NLRC5: variants seen among roughly 807,000 people sequenced by gnomAD.
The protein encoded by NLRC5 is NLR family CARD domain containing 5.
In NLRC5, 114 loss-of-function variants were observed where a neutral mutation model predicts 206.9. The observed-to-expected ratio is 0.55, with a 90% CI of 0.47 to 0.64. The LOEUF is 0.64. Ranked by LOEUF, NLRC5 falls within the 30% of genes least tolerant of loss-of-function variation. NLRC5 has a pLI of 0.00. For missense variants in NLRC5, 2,008 were observed against 2,305.5 expected (o/e 0.87, Z 2.64); for synonymous variants, 952 against 962.8 (o/e 0.99, Z 0.21).
At chr16:57,072,858 C>A (rs1158828886) in intron 38 of NLRC5, among the ~76,000 whole-genome samples, 1 of 152,068 alleles carries the variant, frequency 6.6e-6, no homozygotes, top group Non-Finnish European at 1.5e-5. Context: ...TTGAAAGTAG[C>A]CTTTTGACTT....
At chr16:57,000,780 G>T (rs1282395406) in intron 1 of NLRC5, among the ~76,000 whole-genome samples, 1 of 152,122 alleles carries the variant, frequency 6.6e-6, no homozygotes, top group African/African-American at 2.4e-5. Context: ...TCTCTTGCTT[G>T]CCCTGCCAGC....
intron 2 of NLRC5, 84 bp from the exon 3 acceptor site, chr16:57,020,617 C>T: frequency 3.8e-6 from 1 of 261,778 alleles, no homozygotes; most frequent in Non-Finnish European, 6.0e-6. Context: ...CAGCTCAACT[C>T]CCCCCAAGTT....
chr16:56,994,360 G>C (rs2057339810), intron 1 of NLRC5, among the ~76,000 whole-genome samples: 1 of 152,226 alleles, frequency 6.6e-6, no homozygotes, highest in Admixed American at 6.5e-5. Flanking sequence ...CAGCACTGCA[G>C]ACACCGGCTC....
At chr16:56,999,161 C>T (rs528755935) in intron 1 of NLRC5, among the ~76,000 whole-genome samples, 3 of 152,216 alleles carry the variant, frequency 2.0e-5, no homozygotes, top group Admixed American at 6.5e-5. Context: ...CCATTCACTA[C>T]GGCTCCTCCC....
At chr16:57,003,991 T>C (rs289707) in intron 1 of NLRC5, 107,910 of 152,094 alleles carry the variant, frequency 0.71, 39,152 homozygotes, top group Non-Finnish European at 0.8. Flanking sequence ...TGAGAGAAGC[T>C]GACGGGCCTA....
chr16:57,056,301 T>A (rs1269493241), intron 27 of NLRC5, among the ~76,000 whole-genome samples: 1 of 152,220 alleles, frequency 6.6e-6, no homozygotes, highest in African/African-American at 2.4e-5. Flanking sequence ...GATTTCTTTT[T>A]TTTTTAAGAC....
intron 27 of NLRC5, among the ~76,000 whole-genome samples, chr16:57,057,362 C>G (rs140606851): frequency 1.3e-5 from 2 of 152,170 alleles, no homozygotes; most frequent in Admixed American, 6.5e-5. Flanking sequence ...AGACAGAGGT[C>G]GCAGTGAGCC....
intron 20 of NLRC5, among the ~76,000 whole-genome samples, chr16:57,044,485 C>G (rs1299924263): frequency 1.3e-5 from 2 of 152,078 alleles, no homozygotes; most frequent in East Asian, 1.9e-4. Flanking sequence ...CTTCCCTTTC[C>G]CTTCCCTAAG....
intron 39 of NLRC5, among the ~76,000 whole-genome samples, chr16:57,075,384 T>C (rs369976507): frequency 4.1e-4 from 63 of 152,308 alleles, no homozygotes; most frequent in African/African-American, 1.4e-3. Flanking sequence ...CACGCCCGGC[T>C]AATTTTTGTA....
intron 2 of NLRC5, among the ~76,000 whole-genome samples, chr16:57,019,383 C>T (rs928818396): frequency 2.7e-5 from 4 of 150,830 alleles, no homozygotes; most frequent in Admixed American, 6.6e-5. Flanking sequence ...GGTGACAGAG[C>T]GAGACTCTGT....
chr16:57,073,429 A>G (rs1387618597), intron 38 of NLRC5, among the ~76,000 whole-genome samples: 1 of 152,068 alleles, frequency 6.6e-6, no homozygotes, highest in Non-Finnish European at 1.5e-5. Context: ...CATGGACCCT[A>G]GTTAGGAGCC....
chr16:57,015,614 A>G (rs552142259), intron 1 of NLRC5, among the ~76,000 whole-genome samples: 1,798 of 147,872 alleles, frequency 0.012, 39 homozygotes, highest in African/African-American at 0.043. Context: ...AAATAAATAA[A>G]TAAATAAATA....
chr16:57,070,633 T>TG lies in NLRC5; in HGVS notation c.4667+17dup, dbSNP rs778578085. ...AAGAGGCTGGAGTAAGTAGTGATGG[T>TG]GGTTGTGGGTGAGTGAGTGGTGGGG... On this transcript the variant is annotated intron_variant, in intron 38 of 48. Coordinates refer to ENST00000688547, the MANE Select transcript of NLRC5 (RefSeq NM_001384950.1). 4.3e-6 allele frequency: 7 copies of TG among 1,609,712 alleles called. No homozygotes were observed. The highest frequency in any genetic ancestry group is 1.6e-4 in the Middle Eastern group (1 of 6,066).
chr16:57,015,623 T>C, intron 1 of NLRC5, among the ~76,000 whole-genome samples: 1 of 149,430 alleles, frequency 6.7e-6, no homozygotes, highest in African/African-American at 2.5e-5. Flanking sequence ...AATAAATAAA[T>C]AAATAAATAA....
At chr16:57,021,193 G>A in intron 3 of NLRC5, 186 bp downstream of exon 3, 1 of 576,166 alleles carries the variant, frequency 1.7e-6, no homozygotes, top group East Asian at 2.9e-5. Flanking sequence ...GGGCCTGGAG[G>A]ACCCCTCCTT....
intron 14 of NLRC5, among the ~76,000 whole-genome samples, chr16:57,036,664 TG>T (rs2143311908): frequency 6.9e-6 from 1 of 144,900 alleles, no homozygotes; most frequent in East Asian, 2.0e-4. Flanking sequence ...GATGTTTGGG[TG>T]GGGGTGTCTT....
At position 57,061,665 on chromosome 16, in the gene NLRC5, G is replaced by A; in HGVS notation, c.4118G>A (p.Ser1373Asn). The change falls in exon 32 of 49, where the codon AGC becomes AAC. Residue 1373 changes from serine (S) to asparagine (N), a missense_variant. Transcript: ENST00000688547. ...CAGAAGCAGCTGGCCATCCTCCTGA[G>A]CTTGGTGGGGCGACCCGCAGGGCTG... ...LGQKQLAILL[S>N]LVGRPAGLFS... 1 of 1,609,808 alleles carries A rather than the reference G, an allele frequency of 6.2e-7. No homozygotes were observed. Among genetic ancestry groups the A allele is most frequent in the Middle Eastern group, 1.7e-4 (1 of 6,054 alleles).
intron 1 of NLRC5, among the ~76,000 whole-genome samples, chr16:57,003,579 G>A (rs1353824837): frequency 1.3e-5 from 2 of 152,038 alleles, no homozygotes; most frequent in Non-Finnish European, 2.9e-5. Context: ...AGATGCCTGG[G>A]CAGTCATGCC....
chr16:57,008,212 A>G (rs893131472), intron 1 of NLRC5, among the ~76,000 whole-genome samples: 1 of 151,854 alleles, frequency 6.6e-6, no homozygotes, highest in Non-Finnish European at 1.5e-5. Flanking sequence ...ACAGAGCAAG[A>G]CCCCGCCTCT....
Sources: gnomAD v4.1 joint callset for allele counts (sites outside exome capture counted in the v4.1 genomes callset) on GRCh38, gnomAD v4.1.1 for gene constraint, MANE v1.5 for transcripts, NCBI Gene and HGNC (gene_info 2026-07-23, HGNC 2026-07-21) for gene names.